SPECC1: variants seen among roughly 807,000 people sequenced by gnomAD.
SPECC1 encodes the protein sperm antigen with calponin homology and coiled-coil domains 1.
In SPECC1, 62 loss-of-function variants were observed where a neutral mutation model predicts 104.1. That is an observed-to-expected ratio of 0.60 (90% CI 0.49 to 0.74). SPECC1 has a LOEUF of 0.74. SPECC1 is among the 30% of genes least tolerant of loss of function. The pLI is 0.00. For synonymous variants in SPECC1, 513 were observed against 501.6 expected, an observed-to-expected ratio of 1.02 and a Z score of -0.30; for missense variants, 1,306 against 1,310.5, an observed-to-expected ratio of 1.00 and a Z score of 0.05.
intron 3 of SPECC1, among the ~76,000 whole-genome samples, chr17:20,159,633 T>A (rs896345743): frequency 2.8e-4 from 42 of 152,222 alleles, no homozygotes; most frequent in African/African-American, 9.2e-4. Context: ...ATTCCTCTGT[T>A]GTGGTATCTG....
chr17:20,174,191 A>T (rs2034299636), intron 3 of SPECC1, among the ~76,000 whole-genome samples: 1 of 152,072 alleles, frequency 6.6e-6, no homozygotes, highest in South Asian at 2.1e-4. Flanking sequence ...TCAGCCTCCA[A>T]AAGTGCTGTT....
chr17:20,231,463 G>A (rs2038574203), intron 5 of SPECC1, among the ~76,000 whole-genome samples: 1 of 152,212 alleles, frequency 6.6e-6, no homozygotes, highest in Non-Finnish European at 1.5e-5. Flanking sequence ...GGCCATGGAG[G>A]CCTCTTCCCG....
chr17:20,121,267 C>T (rs1203425117), intron 3 of SPECC1, among the ~76,000 whole-genome samples: 2 of 152,144 alleles, frequency 1.3e-5, no homozygotes, highest in African/African-American at 2.4e-5. Context: ...CCCGTGCCCA[C>T]CACAGGTTTC....
chr17:20,140,772 G>A (rs975293680), intron 3 of SPECC1, among the ~76,000 whole-genome samples: 1 of 152,192 alleles, frequency 6.6e-6, no homozygotes, highest in Non-Finnish European at 1.5e-5. Flanking sequence ...ATGTTCAGTA[G>A]AGAGTGCATA....
intron 3 of SPECC1, among the ~76,000 whole-genome samples, chr17:20,153,969 C>T (rs139870162): frequency 3.3e-5 from 5 of 152,228 alleles, no homozygotes; most frequent in Non-Finnish European, 5.9e-5. Flanking sequence ...TTTGCTTGTA[C>T]ATGCTCAGTA....
intron 3 of SPECC1, among the ~76,000 whole-genome samples, chr17:20,165,284 A>G (rs887985897): frequency 1.3e-5 from 2 of 151,106 alleles, no homozygotes; most frequent in Admixed American, 1.3e-4. Context: ...TTAAGCTTCC[A>G]TTTATAAGCA....
At chr17:20,033,380 T>G (rs2044907431) in intron 1 of SPECC1, among the ~76,000 whole-genome samples, 1 of 152,206 alleles carries the variant, frequency 6.6e-6, no homozygotes, top group African/African-American at 2.4e-5. Flanking sequence ...AGTGACTGCA[T>G]AGATTATTTT....
chr17:20,173,154 A>G (rs966702050), intron 3 of SPECC1, among the ~76,000 whole-genome samples: 1 of 152,230 alleles, frequency 6.6e-6, no homozygotes, highest in Non-Finnish European at 1.5e-5. Flanking sequence ...CCAAATAAGG[A>G]TGCACAGTCC....
intron 1 of SPECC1, among the ~76,000 whole-genome samples, chr17:20,045,736 G>T (rs953881633): frequency 6.6e-6 from 1 of 152,160 alleles, no homozygotes; most frequent in Non-Finnish European, 1.5e-5. Flanking sequence ...GGTTGGCCAG[G>T]TGTGTGCTTA....
At chr17:20,042,363 A>AG (rs2045365403) in intron 1 of SPECC1, among the ~76,000 whole-genome samples, 1 of 152,078 alleles carries the variant, frequency 6.6e-6, no homozygotes, top group Non-Finnish European at 1.5e-5. Flanking sequence ...ATGGGGGAAG[A>AG]GGGAGGAAAG....
intron 3 of SPECC1, among the ~76,000 whole-genome samples, chr17:20,137,590 T>C (rs1233197929): frequency 6.6e-6 from 1 of 152,246 alleles, no homozygotes; most frequent in Non-Finnish European, 1.5e-5. Context: ...CTTGGTCATC[T>C]TTTAAGATTC....
At chr17:20,176,587 C>T (rs1212764561) in intron 3 of SPECC1, among the ~76,000 whole-genome samples, 1 of 152,194 alleles carries the variant, frequency 6.6e-6, no homozygotes, top group African/African-American at 2.4e-5. Flanking sequence ...AGTCAAGGTA[C>T]TGGCAGGGCT....
At chr17:20,143,447 G>T (rs1010429555) in intron 3 of SPECC1, among the ~76,000 whole-genome samples, 1 of 152,062 alleles carries the variant, frequency 6.6e-6, no homozygotes, top group African/African-American at 2.4e-5. Context: ...ACTTTGGCAG[G>T]CCGAGGCGGG....
rs747414391 is a variant in SPECC1, at chr17:20,298,978, G to GTGTGTGTGT, written c.3057+1901_3057+1902insTGTGTGTGT. ...GTGTGTGTGTGTGTGTGTGTATGTA[G>GTGTGTGTGT]AGAGAGAGAGAGAGAGAGGTGGGGG... On this transcript the variant is annotated intron_variant, in intron 13 of 14. Transcript: ENST00000395527. Among the ~76,000 whole-genome samples the GTGTGTGTGT allele has an allele frequency of 2.1e-3, 61 of 29,470 alleles. 1 individual carries two copies. The highest frequency in any genetic ancestry group is 9.7e-3 in the South Asian group (4 of 414). The allele number at this position is 29,470 out of a possible 152,430, so 19.3% of individuals were successfully genotyped here.
At chr17:20,150,539 T>G (rs1229581714) in intron 3 of SPECC1, among the ~76,000 whole-genome samples, 2 of 151,456 alleles carry the variant, frequency 1.3e-5, no homozygotes, top group Non-Finnish European at 2.9e-5. Flanking sequence ...CTCGGGAGGC[T>G]GAGGCAGGAG....
chr17:20,204,969 A>G lies in SPECC1; in HGVS notation c.920A>G (p.Asn307Ser). The change falls in exon 4 of 15, where the codon AAT becomes AGT. Residue 307 changes from asparagine to serine, a missense_variant. Around this residue, in one of 2 missense-constraint regions of SPECC1, gnomAD observed 1,177 missense variants for 1,139.9 expected, o/e 1.03. Transcript: ENST00000395527. ...GAGTATAAAAAAAACATACATGGAA[A>G]TGCATTACGGACATCAGGCTCCTCA... ...IDEYKKNIHG[N>S]ALRTSGSSSS... The G allele has an allele frequency of 6.2e-7, 1 of 1,614,198 alleles. No individual in the cohort carries two copies. The highest frequency in any genetic ancestry group is 1.6e-4 in the Middle Eastern group (1 of 6,062).
intron 12 of SPECC1, among the ~76,000 whole-genome samples, chr17:20,288,557 G>A (rs2041040317): frequency 6.6e-6 from 1 of 152,162 alleles, no homozygotes; most frequent in South Asian, 2.1e-4. Context: ...CAGCCAGAAT[G>A]GCGATTATTA....
At position 20,204,432 on chromosome 17, in the gene SPECC1, C is replaced by G. The variant is rs2036633714; in HGVS notation, c.383C>G (p.Pro128Arg). 1 of 1,614,136 alleles carries G rather than the reference C, an allele frequency of 6.2e-7. No homozygotes were observed. Among genetic ancestry groups the G allele is most frequent in the East Asian group, 2.2e-5 (1 of 44,882 alleles). ...TCTGTGCCACGTGGTCCCTCCAACC[C>G]CAGGAAATCAGTGTCCAGTCCAACT... ...ERSVPRGPSN[P>R]RKSVSSPTSS... Residue 128 changes from proline (P) to arginine (R), a missense_variant, in exon 4 of 15, where the codon CCC becomes CGC. By Grantham distance (103) the Pro-to-Arg change is moderately radical. Transcript: ENST00000395527.
chr17:20,229,857 T>C (rs1273578165), intron 5 of SPECC1, among the ~76,000 whole-genome samples: 1 of 152,184 alleles, frequency 6.6e-6, no homozygotes, highest in Non-Finnish European at 1.5e-5. Flanking sequence ...AATATTGTTG[T>C]GTGGCTGAAA....
Sources: gnomAD v4.1 joint callset for allele counts (sites outside exome capture counted in the v4.1 genomes callset) on GRCh38, gnomAD v4.1.1 for gene constraint, gnomAD v4.1.1 regional missense constraint, MANE v1.5 for transcripts, NCBI Gene and HGNC (gene_info 2026-07-23, HGNC 2026-07-21) for gene names.